The following LINGO2 variants were observed in gnomAD, a reference collection of about 807,000 sequenced individuals.
The protein encoded by LINGO2 is leucine rich repeat and Ig domain containing 2.
A neutral mutation model predicts 30.6 loss-of-function variants in LINGO2; 14 were observed. That is an observed-to-expected ratio of 0.46 (90% CI 0.30 to 0.72). The LOEUF (loss-of-function observed/expected upper bound fraction) is 0.72, where lower values mean the gene tolerates loss of function less well. LINGO2 is among the 30% of genes least tolerant of loss of function. The probability of loss-of-function intolerance (pLI) is 0.07; values close to 1 mark genes in which losing one functional copy is unlikely to be tolerated. For synonymous variants in LINGO2, 317 were observed against 288.5 expected (o/e 1.10, Z -1.00); for missense variants, 729 against 751.7 (o/e 0.97, Z 0.35).
the LINGO2 span, among the ~76,000 whole-genome samples, chr9:29,143,565 T>C: frequency 5.9e-5 from 9 of 152,260 alleles, no homozygotes; most frequent in East Asian, 1.4e-3. Flanking sequence ...AGGGAAAGGA[T>C]AGTCTCTTGT....
At chr9:28,410,641 A>G (rs1046321543) in intron 2 of LINGO2, among the ~76,000 whole-genome samples, 5 of 152,124 alleles carry the variant, frequency 3.3e-5, no homozygotes, top group Non-Finnish European at 7.4e-5. Flanking sequence ...ATAAAGGCTG[A>G]CAAAGTATAG....
At chr9:28,692,195 C>T in the LINGO2 span, among the ~76,000 whole-genome samples, 1 of 152,132 alleles carries the variant, frequency 6.6e-6, no homozygotes, top group Admixed American at 6.6e-5. Context: ...GCAATTTCGG[C>T]CGGGCATGGT....
At chr9:28,861,328 AAT>A in the LINGO2 span, among the ~76,000 whole-genome samples, 5 of 131,102 alleles carry the variant, frequency 3.8e-5, no homozygotes, top group African/African-American at 5.7e-5. Flanking sequence ...TACTATATAT[AAT>A]ATATATTATT....
At chr9:28,470,825 G>C (rs2135168152) in intron 2 of LINGO2, among the ~76,000 whole-genome samples, 1 of 150,338 alleles carries the variant, frequency 6.7e-6, no homozygotes, top group African/African-American at 2.4e-5. Flanking sequence ...TGTTAGGCTT[G>C]CATACATTTA....
the LINGO2 span, among the ~76,000 whole-genome samples, chr9:28,989,077 G>T: frequency 3.7e-4 from 57 of 152,124 alleles, no homozygotes; most frequent in African/African-American, 1.3e-3. Flanking sequence ...TACAAAACAC[G>T]TCAATAATGC....
chr9:28,418,335 GT>G (rs1270722090), intron 2 of LINGO2, among the ~76,000 whole-genome samples: 4 of 143,164 alleles, frequency 2.8e-5, no homozygotes, highest in African/African-American at 5.3e-5. Flanking sequence ...CTGGAGTGCA[GT>G]GGCACAATCT....
chr9:27,938,782 CG>C, the LINGO2 span: 1 of 151,898 alleles, frequency 6.6e-6, no homozygotes, highest in Admixed American at 6.6e-5. Flanking sequence ...ACTTCAGTGA[CG>C]GGCAGCTCGA....
exon 6 of LINGO2, chr9:27,950,253 T>C: frequency 1.2e-6 from 2 of 1,614,066 alleles, no homozygotes; most frequent in Admixed American, 1.7e-5. Flanking sequence ...AATGACAATC[T>C]TATTCTCACT....
At chr9:29,064,690 C>G in the LINGO2 span, among the ~76,000 whole-genome samples, 1 of 151,864 alleles carries the variant, frequency 6.6e-6, no homozygotes, top group South Asian at 2.1e-4. Context: ...TGATATTATG[C>G]TTTTTAGTGA....
the LINGO2 span, among the ~76,000 whole-genome samples, chr9:28,800,930 A>G: frequency 4.6e-5 from 7 of 152,188 alleles, no homozygotes; most frequent in Admixed American, 3.3e-4. Flanking sequence ...GGAAAGCCAC[A>G]CGTAAAAGCA....
chr9:28,810,520 G>C, the LINGO2 span, among the ~76,000 whole-genome samples: 3 of 152,088 alleles, frequency 2.0e-5, no homozygotes, highest in African/African-American at 7.2e-5. Context: ...GTTGAAAAAG[G>C]CTCCTGATAG....
At position 27,966,765 on chromosome 9, in the gene LINGO2, C is replaced by T. The variant is rs141501361; in HGVS notation, c.-35-16059G>A. Among the ~76,000 whole-genome samples, 25 of 152,130 alleles carry T rather than the reference C, an allele frequency of 1.6e-4. No homozygotes were observed. In the East Asian group the frequency reaches 4.6e-3, roughly 28 times the overall value. On this transcript the variant is annotated intron_variant, in intron 5 of 5. Transcript: ENST00000379992. ...AAAAAAGAAAAAAAATAAATATGCGCCTCAACTTTGGGTCAAAGAAAGTTT... is the reference window on the plus strand; with the variant it reads ...AAAAAAGAAAAAAAATAAATATGCGTCTCAACTTTGGGTCAAAGAAAGTTT...
intron 4 of LINGO2, among the ~76,000 whole-genome samples, chr9:28,052,884 A>G (rs578252594): frequency 2.0e-5 from 3 of 152,248 alleles, no homozygotes; most frequent in South Asian, 2.1e-4. Flanking sequence ...CAATATCTAG[A>G]TAATTGCTAC....
chr9:28,513,300 C>A (rs1820489165), intron 1 of LINGO2, among the ~76,000 whole-genome samples: 1 of 152,208 alleles, frequency 6.6e-6, no homozygotes, highest in Non-Finnish European at 1.5e-5. Context: ...GAGCTAACTG[C>A]AGCTCAAAGT....
At chr9:28,349,995 G>A (rs1275845690) in intron 3 of LINGO2, among the ~76,000 whole-genome samples, 2 of 152,016 alleles carry the variant, frequency 1.3e-5, no homozygotes, top group African/African-American at 4.8e-5. Context: ...AGCTCCTGAA[G>A]GAAGCACTAA....
chr9:28,955,707 A>G, the LINGO2 span, among the ~76,000 whole-genome samples: 8 of 152,088 alleles, frequency 5.3e-5, no homozygotes, highest in African/African-American at 1.9e-4. Flanking sequence ...CTAAACATAT[A>G]ATTTTCCCTT....
chr9:28,050,733 TAA>T (rs1824634419), intron 4 of LINGO2, among the ~76,000 whole-genome samples: 1 of 150,942 alleles, frequency 6.6e-6, no homozygotes, highest in Admixed American at 6.6e-5. Flanking sequence ...GCTAAACACC[TAA>T]AGAGTTGGGG....
the LINGO2 span, among the ~76,000 whole-genome samples, chr9:28,737,899 G>T: frequency 2.6e-5 from 4 of 151,962 alleles, no homozygotes; most frequent in Non-Finnish European, 4.4e-5. Flanking sequence ...ATCCTCGAGG[G>T]GAAGTTTTTA....
At chr9:28,866,058 T>C in the LINGO2 span, among the ~76,000 whole-genome samples, 3 of 152,094 alleles carry the variant, frequency 2.0e-5, no homozygotes, top group East Asian at 1.9e-4. Flanking sequence ...GAAAACTTCA[T>C]GCAAGTCCCT....
Sources: gnomAD v4.1 joint callset for allele counts (sites outside exome capture counted in the v4.1 genomes callset) on GRCh38, gnomAD v4.1.1 for gene constraint, MANE v1.5 for transcripts, NCBI Gene and HGNC (gene_info 2026-07-23, HGNC 2026-07-21) for gene names.